POU3F3: variants seen among roughly 807,000 people sequenced by gnomAD.
POU3F3 encodes POU domain, class 3, transcription factor 3.
POU3F3 carries 1 observed loss-of-function variant against 8.6 expected under a neutral mutation model. The observed-to-expected ratio is 0.12, with a 90% CI of 0.04 to 0.55. The LOEUF (loss-of-function observed/expected upper bound fraction) is 0.55, where lower values mean the gene tolerates loss of function less well. Among genes scored for constraint, POU3F3 ranks in the 20% least tolerant of loss-of-function variants. The pLI is 0.91. For missense variants in POU3F3, 577 were observed against 690.7 expected, an observed-to-expected ratio of 0.84 and a Z score of 1.84; for synonymous variants, 418 against 327.4, an observed-to-expected ratio of 1.28 and a Z score of -2.99.
Position 104,855,574 on chromosome 2 carries a change from G to A in POU3F3, c.64G>A (p.Val22Met). The A allele has an allele frequency of 2.0e-6, 2 of 1,017,866 alleles. No individual in the cohort carries two copies. Among genetic ancestry groups the A allele is most frequent in the Admixed American group, 5.6e-5 (1 of 17,742 alleles). The allele number at this position is 1,017,866 out of a possible 1,614,324, so 63.1% of individuals were successfully genotyped here. A position where few individuals can be genotyped will look rare whatever the true frequency, so the allele number is the denominator to read the frequency against. Reference sequence around the variant, plus strand: ...CAGCCTGCTCGCGGCCGGCTCTATTGTGCACTCGGACGCGGCAGGGGCTGG... The same window carrying A: ...CAGCCTGCTCGCGGCCGGCTCTATTATGCACTCGGACGCGGCAGGGGCTGG... Reference protein sequence around the residue: ...GNSLLAAGSIVHSDAAGAGGG... With the variant: ...GNSLLAAGSIMHSDAAGAGGG... Residue 22 changes from valine (V) to methionine (M), a missense_variant, in exon 1 of 1, where the codon GTG becomes ATG. Physicochemically the swap from Val to Met is conservative, Grantham distance 21 (BLOSUM62 1). Coordinates refer to ENST00000361360, the MANE Select transcript of POU3F3 (RefSeq NM_006236.3).
chr2:104,906,282 C>T, the POU3F3 span, among the ~76,000 whole-genome samples: 1 of 152,144 alleles, frequency 6.6e-6, no homozygotes, highest in Non-Finnish European at 1.5e-5. Context: ...GCATGTAATA[C>T]CCCAGCTTTT....
At chr2:104,923,927 T>C in the POU3F3 span, among the ~76,000 whole-genome samples, 2 of 152,318 alleles carry the variant, frequency 1.3e-5, no homozygotes, top group Non-Finnish European at 1.5e-5. Flanking sequence ...TCCATTTATA[T>C]GAGGTGCATA....
the POU3F3 span, among the ~76,000 whole-genome samples, chr2:104,884,249 G>A: frequency 2.6e-5 from 4 of 152,180 alleles, no homozygotes; most frequent in Non-Finnish European, 5.9e-5. Flanking sequence ...ATCAAAAGAA[G>A]TCTTTCAGAA....
At position 104,856,207 on chromosome 2, in the gene POU3F3, A is replaced by C; in HGVS notation, c.697A>C (p.Met233Leu). The change falls in exon 1 of 1, where the codon ATG becomes CTG. Residue 233 changes from methionine to leucine, a missense_variant. Physicochemically the swap from Met to Leu is conservative, Grantham distance 15. Coordinates refer to ENST00000361360, the MANE Select transcript of POU3F3 (RefSeq NM_006236.3). ...SQPGGFTVNG[M>L]LSAPPGPGGG... is the part of the protein sequence containing the mutation. ...GCCCGGAGGCTTCACGGTGAACGGC[A>C]TGCTGAGCGCGCCACCGGGGCCCGG... 7.9e-7 allele frequency: 1 copy of C among 1,265,438 alleles called. No individual in the cohort carries two copies. The highest frequency in any genetic ancestry group is 3.3e-5 in the East Asian group (1 of 30,068). The allele number at this position is 1,265,438 out of a possible 1,614,324, so 78.4% of individuals were successfully genotyped here. A position where few individuals can be genotyped will look rare whatever the true frequency, so the allele number is the denominator to read the frequency against.
the POU3F3 span, among the ~76,000 whole-genome samples, chr2:104,914,905 T>G: frequency 6.6e-6 from 1 of 151,786 alleles, no homozygotes; most frequent in Non-Finnish European, 1.5e-5. Flanking sequence ...AGGGCTAGAG[T>G]GACAGAGGGT....
At chr2:104,872,402 A>G in the POU3F3 span, 1 of 452,556 alleles carries the variant, frequency 2.2e-6, no homozygotes, top group African/African-American at 2.0e-5. The surrounding 1 kb of genome is among the most constrained non-coding windows in gnomAD (Gnocchi z 4.6). Context: ...GTATGGGGGA[A>G]GGGCTGCAGG....
downstream of POU3F3, among the ~76,000 whole-genome samples, chr2:104,861,190 A>C (rs1180797760): frequency 6.6e-6 from 1 of 152,230 alleles, no homozygotes; most frequent in Non-Finnish European, 1.5e-5. Flanking sequence ...GCATATTTGC[A>C]CTAATTTGTA....
At chr2:104,873,856 CT>C in the POU3F3 span, among the ~76,000 whole-genome samples, 1 of 152,202 alleles carries the variant, frequency 6.6e-6, no homozygotes, top group African/African-American at 2.4e-5. Flanking sequence ...GGACCCTCCC[CT>C]GAGCCCCAGC....
the POU3F3 span, among the ~76,000 whole-genome samples, chr2:104,911,427 A>AT: frequency 6.6e-6 from 1 of 151,682 alleles, no homozygotes; most frequent in East Asian, 1.9e-4. Flanking sequence ...AAAAAAAAAA[A>AT]AAAAAAAGTG....
downstream of POU3F3, among the ~76,000 whole-genome samples, chr2:104,861,275 T>A (rs1334217630): frequency 6.6e-6 from 1 of 152,234 alleles, no homozygotes; most frequent in Non-Finnish European, 1.5e-5. Context: ...TCTCTCCACA[T>A]GGAGTTTAGT....
At chr2:104,909,845 G>A in the POU3F3 span, among the ~76,000 whole-genome samples, 1 of 152,180 alleles carries the variant, frequency 6.6e-6, no homozygotes, top group Non-Finnish European at 1.5e-5. Flanking sequence ...CTAATCTCTT[G>A]TCATTATTCA....
the POU3F3 span, among the ~76,000 whole-genome samples, chr2:104,913,924 C>T: frequency 6.6e-6 from 1 of 152,088 alleles, no homozygotes; most frequent in African/African-American, 2.4e-5. Context: ...TGCCTTTTAG[C>T]GGAGGCTCAT....
At chr2:104,917,989 A>T in the POU3F3 span, among the ~76,000 whole-genome samples, 1 of 152,218 alleles carries the variant, frequency 6.6e-6, no homozygotes, top group East Asian at 1.9e-4. Flanking sequence ...CTGCAAGACA[A>T]CCTGGAAATA....
the POU3F3 span, among the ~76,000 whole-genome samples, chr2:104,888,615 C>T: frequency 2.6e-5 from 4 of 152,070 alleles, no homozygotes; most frequent in Non-Finnish European, 4.4e-5. Flanking sequence ...CCCACCCCCA[C>T]GAGAAGGAAG....
the POU3F3 span, among the ~76,000 whole-genome samples, chr2:104,901,440 G>T: frequency 1.1e-4 from 16 of 152,270 alleles, no homozygotes; most frequent in African/African-American, 3.9e-4. Flanking sequence ...CACGGCAGCC[G>T]GGTGAGTGCT....
the POU3F3 span, among the ~76,000 whole-genome samples, chr2:104,920,359 T>G: frequency 6.6e-5 from 10 of 152,214 alleles, no homozygotes; most frequent in Non-Finnish European, 1.3e-4. Flanking sequence ...CTAGATTTTA[T>G]GTTACAGACA....
the POU3F3 span, among the ~76,000 whole-genome samples, chr2:104,901,688 T>C: frequency 3.9e-5 from 6 of 152,208 alleles, no homozygotes; most frequent in Non-Finnish European, 8.8e-5. Flanking sequence ...TTTAATTGTC[T>C]GAAGAGGTGT....
the POU3F3 span, among the ~76,000 whole-genome samples, chr2:104,891,830 A>C: frequency 2.0e-5 from 3 of 152,242 alleles, no homozygotes; most frequent in Non-Finnish European, 1.5e-5. Context: ...GTGAAAAATT[A>C]AAAATCCAGT....
chr2:104,864,038 G>A, the POU3F3 span, among the ~76,000 whole-genome samples: 1 of 152,234 alleles, frequency 6.6e-6, no homozygotes, highest in Admixed American at 6.5e-5. Flanking sequence ...CCCGCGTGTG[G>A]GAAACTCGAG....
Sources: allele counts gnomAD v4.1 joint callset (sites outside exome capture counted in the v4.1 genomes callset), GRCh38; gene constraint gnomAD v4.1.1; non-coding constraint Gnocchi (gnomAD v3.1); transcripts MANE v1.5; gene names NCBI Gene and HGNC (gene_info 2026-07-23, HGNC 2026-07-21).